MINDY4: variants seen among roughly 807,000 people sequenced by gnomAD.
MINDY4 encodes MINDY lysine 48 deubiquitinase 4.
MINDY4 carries 68 observed loss-of-function variants against 87.0 expected under a neutral mutation model. The ratio of observed to expected loss-of-function variants is 0.78; its 90% confidence interval spans 0.64 to 0.96. The LOEUF (loss-of-function observed/expected upper bound fraction) is 0.96, where lower values mean the gene tolerates loss of function less well. Ranked by LOEUF, MINDY4 falls within the 40% of genes least tolerant of loss-of-function variation. MINDY4 has a pLI of 0.00. For missense variants in MINDY4, 919 were observed against 928.2 expected, an observed-to-expected ratio of 0.99 and a Z score of 0.13; for synonymous variants, 379 against 363.2, an observed-to-expected ratio of 1.04 and a Z score of -0.50.
chr7:30,873,494 G>A (rs1490514319), intron 14 of MINDY4, among the ~76,000 whole-genome samples: 1 of 152,174 alleles, frequency 6.6e-6, no homozygotes. Flanking sequence ...CTTACACTTT[G>A]AATGAATCCC....
chr7:30,798,624 G>A (rs986141773), intron 5 of MINDY4, among the ~76,000 whole-genome samples: 17 of 152,146 alleles, frequency 1.1e-4, no homozygotes, highest in Non-Finnish European at 2.4e-4. Flanking sequence ...AGCCTCCCGA[G>A]TAGCTGGGAC....
At chr7:30,882,438 C>T in intron 16 of MINDY4, 77 bp downstream of exon 16, 2 of 1,234,438 alleles carry the variant, frequency 1.6e-6, no homozygotes, top group Non-Finnish European at 2.2e-6. Flanking sequence ...ACCAGCCTTC[C>T]TATCCACCAC....
intron 17 of MINDY4, among the ~76,000 whole-genome samples, chr7:30,887,792 GCAGT>G (rs908497938): frequency 6.6e-6 from 1 of 152,226 alleles, no homozygotes; most frequent in Non-Finnish European, 1.5e-5. Flanking sequence ...CCCGCGGGTG[GCAGT>G]CAGAGAACAC....
In MINDY4 at chr7:30,870,356, A is replaced by G. The variant is rs76451151; in HGVS notation, c.1746-1887A>G. Among the ~76,000 whole-genome samples the G allele has an allele frequency of 5.4e-3, 823 of 152,298 alleles. 11 individuals carry two copies. The highest frequency in any genetic ancestry group is 0.019 in the African/African-American group (775 of 41,558). On this transcript the variant is annotated intron_variant, in intron 13 of 17. Transcript: ENST00000265299. Reference sequence around the variant, plus strand: ...TCTTCTCTTCAGAAGATGCTTGTATATGCTGCAGAGAGCATTTCCATCAAT... The same window carrying G: ...TCTTCTCTTCAGAAGATGCTTGTATGTGCTGCAGAGAGCATTTCCATCAAT...
chr7:30,888,172 G>T (rs769956757), intron 17 of MINDY4, among the ~76,000 whole-genome samples: 16 of 152,122 alleles, frequency 1.1e-4, no homozygotes, highest in Admixed American at 2.6e-4. Flanking sequence ...TGATGCCTCT[G>T]GGGGGACAGG....
At chr7:30,822,740 T>G (rs1429331356) in intron 5 of MINDY4, among the ~76,000 whole-genome samples, 1 of 151,882 alleles carries the variant, frequency 6.6e-6, no homozygotes, top group Non-Finnish European at 1.5e-5. Context: ...GCTCCAGTGA[T>G]CCTCCCACCT....
rs146194441 is a variant in MINDY4 at position 30,880,823 on chromosome 7, A to G, written c.1972-1358A>G. 2.1e-3 allele frequency among the ~76,000 whole-genome samples: 327 copies of G among 152,260 alleles called. 1 individual carries two copies. The highest frequency in any genetic ancestry group is 7.5e-3 in the African/African-American group (310 of 41,566). ...GGGGGGAGGGGACACTTGAACCGTA[A>G]GAAAGGATGAGTGCGTTGTAAAGAC... On this transcript the variant is annotated intron_variant, in intron 15 of 17. Transcript: ENST00000265299.
intron 11 of MINDY4, among the ~76,000 whole-genome samples, chr7:30,853,061 C>A (rs1789461251): frequency 6.6e-6 from 1 of 152,236 alleles, no homozygotes; most frequent in Non-Finnish European, 1.5e-5. Flanking sequence ...ATCCACCTCC[C>A]TGCCAGCCGC....
intron 7 of MINDY4, 76 bp from the exon 8 acceptor site, chr7:30,839,124 C>A (rs977808972): frequency 5.7e-6 from 5 of 879,004 alleles, no homozygotes; most frequent in African/African-American, 3.4e-5. Flanking sequence ...ACAACTTCTG[C>A]AGGAATATGC....
Position 30,892,089 on chromosome 7 carries a change from AG to A in MINDY4, c.*86del. ...CAGCTGAACCCCAAGCCTCTGGGGC[AG>A]GTCTCATGTACCCCAACCTGGGTCA... On this transcript the variant is annotated 3_prime_UTR_variant, in exon 18 of 18. Coordinates refer to ENST00000265299, the MANE Select transcript of MINDY4 (RefSeq NM_032222.3). 6.8e-7 allele frequency: 1 copy of A among 1,479,918 alleles called. No individual in the cohort carries two copies. Among genetic ancestry groups the A allele is most frequent in the Non-Finnish European group, 9.4e-7 (1 of 1,059,086 alleles). 91.7% of individuals were successfully genotyped at this position (1,479,918 alleles called of 1,614,324 possible).
At chr7:30,789,901 CCT>C (rs1787270495) in intron 4 of MINDY4, among the ~76,000 whole-genome samples, 1 of 152,286 alleles carries the variant, frequency 6.6e-6, no homozygotes, top group Non-Finnish European at 1.5e-5. Context: ...TCAATTGACT[CCT>C]CTAGAATTCC....
At chr7:30,778,766 G>A (rs1300020444) in intron 2 of MINDY4, among the ~76,000 whole-genome samples, 2 of 152,202 alleles carry the variant, frequency 1.3e-5, no homozygotes, top group African/African-American at 2.4e-5. Flanking sequence ...GGCGTGTTGT[G>A]TGTGTGTGGT....
At chr7:30,814,241 C>T (rs763094312) in intron 5 of MINDY4, among the ~76,000 whole-genome samples, 12 of 152,098 alleles carry the variant, frequency 7.9e-5, no homozygotes, top group Non-Finnish European at 1.5e-4. Flanking sequence ...TAGAAAGGTC[C>T]CTGAAGCTTA....
At chr7:30,856,225 G>A (rs1789565510) in intron 12 of MINDY4, among the ~76,000 whole-genome samples, 1 of 151,914 alleles carries the variant, frequency 6.6e-6, no homozygotes, top group Non-Finnish European at 1.5e-5. Flanking sequence ...GCAGTTTTCA[G>A]GCCAGTTGCC....
intron 1 of MINDY4, among the ~76,000 whole-genome samples, chr7:30,777,215 A>G (rs1238206461): frequency 1.3e-5 from 2 of 151,894 alleles, no homozygotes; most frequent in Admixed American, 1.3e-4. Flanking sequence ...CACGCTCTAG[A>G]GCCAGGGTAG....
chr7:30,835,938 A>G (rs112461476), intron 6 of MINDY4, among the ~76,000 whole-genome samples: 20 of 152,308 alleles, frequency 1.3e-4, no homozygotes, highest in African/African-American at 3.6e-4. Context: ...TGAGAAAACA[A>G]TATCTGGAAT....
chr7:30,841,305 A>T (rs1247104721), intron 9 of MINDY4, among the ~76,000 whole-genome samples: 2 of 152,222 alleles, frequency 1.3e-5, no homozygotes, highest in Non-Finnish European at 2.9e-5. Flanking sequence ...TCCATTTCAC[A>T]CATTAAGTGT....
chr7:30,853,523 A>G (rs1789482386), intron 12 of MINDY4, 64 bp downstream of exon 12: 4 of 1,379,062 alleles, frequency 2.9e-6, no homozygotes, highest in Non-Finnish European at 4.1e-6. Context: ...CACTGTGGGA[A>G]CAATGCTGTG....
intron 4 of MINDY4, among the ~76,000 whole-genome samples, chr7:30,788,537 C>A (rs950509383): frequency 1.3e-5 from 2 of 152,152 alleles, no homozygotes; most frequent in Non-Finnish European, 2.9e-5. Context: ...TTAAGTATTG[C>A]AAAGCTCTCA....
Sources: allele counts gnomAD v4.1 joint callset (sites outside exome capture counted in the v4.1 genomes callset), GRCh38; gene constraint gnomAD v4.1.1; transcripts MANE v1.5; gene names NCBI Gene and HGNC (gene_info 2026-07-23, HGNC 2026-07-21).